The following HMCN1 variants were observed in gnomAD, a reference collection of about 807,000 sequenced individuals.
HMCN1 encodes hemicentin-1.
Under a neutral mutation model 625.9 loss-of-function variants are expected in HMCN1, and 321 were observed. The observed-to-expected ratio is 0.51, with a 90% CI of 0.47 to 0.56. The LOEUF (loss-of-function observed/expected upper bound fraction) is 0.56, where lower values mean the gene tolerates loss of function less well. Ranked by LOEUF, HMCN1 falls within the 20% of genes least tolerant of loss-of-function variation. The probability of loss-of-function intolerance (pLI) is 0.00; values close to 1 mark genes in which losing one functional copy is unlikely to be tolerated. For missense variants in HMCN1, 6,588 were observed against 6,887.3 expected (o/e 0.96, Z 1.54); for synonymous variants, 2,425 against 2,417.6 (o/e 1.00, Z -0.09).
At chr1:185,770,474 T>C (rs558745259) in intron 1 of HMCN1, among the ~76,000 whole-genome samples, 2 of 152,286 alleles carry the variant, frequency 1.3e-5, no homozygotes, top group African/African-American at 4.8e-5. Context: ...AATACAAAGA[T>C]GGCATATGGC....
At position 186,117,095 on chromosome 1, in the gene HMCN1, CT is replaced by C; in HGVS notation, c.11664del (p.Val3889TrpfsTer11). ...VTNGAGDDKR[T>X]VDLTVQVPPS... is the part of the protein sequence containing the mutation. Reference sequence around the variant, plus strand: ...AACGGTGCTGGAGATGATAAAAGAACTGTGGATCTCACTGTCCAAGGTAGAA... The same window carrying C: ...AACGGTGCTGGAGATGATAAAAGAACGTGGATCTCACTGTCCAAGGTAGAA... On this transcript the variant is annotated frameshift_variant, in exon 76 of 107. Transcript: ENST00000271588. LOFTEE classifies it high-confidence loss of function. 6.2e-7 allele frequency: 1 copy of C among 1,613,450 alleles called. No homozygotes were observed. The highest frequency in any genetic ancestry group is 1.1e-5 in the South Asian group (1 of 91,074).
intron 95 of HMCN1, 54 bp downstream of exon 95, chr1:186,151,797 AG>A (rs1650683486): frequency 1.3e-6 from 2 of 1,552,050 alleles, no homozygotes; most frequent in African/African-American, 1.4e-5. Context: ...CCATGAAGAT[AG>A]GTGATTAAGA....
intron 103 of HMCN1, among the ~76,000 whole-genome samples, chr1:186,178,116 C>T (rs77628409): frequency 0.012 from 1,847 of 152,218 alleles, 35 homozygotes; most frequent in African/African-American, 0.037. Context: ...GGGGTATGAA[C>T]TTACAGAACT....
At chr1:186,125,380 C>T (rs968651200) in intron 81 of HMCN1, among the ~76,000 whole-genome samples, 6 of 152,012 alleles carry the variant, frequency 3.9e-5, no homozygotes, top group Admixed American at 1.3e-4. Context: ...AGAAACCAAA[C>T]GTAAATATAT....
At chr1:185,834,576 T>C (rs775879330) in intron 1 of HMCN1, among the ~76,000 whole-genome samples, 3 of 152,222 alleles carry the variant, frequency 2.0e-5, no homozygotes, top group Non-Finnish European at 1.5e-5. Flanking sequence ...TATGCAAGAA[T>C]GCAAGACAGA....
intron 11 of HMCN1, among the ~76,000 whole-genome samples, chr1:185,935,471 C>G (rs1667765440): frequency 6.6e-6 from 1 of 152,044 alleles, no homozygotes; most frequent in Non-Finnish European, 1.5e-5. Context: ...ACCATATGAT[C>G]TAGAAATGTG....
chr1:185,826,258 T>C (rs1295516122), intron 1 of HMCN1, among the ~76,000 whole-genome samples: 1 of 152,228 alleles, frequency 6.6e-6, no homozygotes, highest in East Asian at 1.9e-4. Context: ...GAATGTCTGA[T>C]TTGAATGTGG....
rs567231397 is a variant in HMCN1 at position 186,090,690 on chromosome 1, A to G, written c.9728-68A>G. 144 of 1,551,734 alleles carry G rather than the reference A, an allele frequency of 9.3e-5. 1 individual carries two copies. The highest frequency in any genetic ancestry group is 6.8e-4 in the Middle Eastern group (4 of 5,924). On this transcript the variant is annotated intron_variant, in intron 63 of 106. Transcript: ENST00000271588. ...TGAACTAGAAATGTCATATTGTTTTATGACTCTGTTACATTAGAATTTATA... is the reference window on the plus strand; with the variant it reads ...TGAACTAGAAATGTCATATTGTTTTGTGACTCTGTTACATTAGAATTTATA...
intron 43 of HMCN1, 58 bp from the exon 44 acceptor site, chr1:186,053,767 T>A: frequency 3.2e-6 from 5 of 1,547,308 alleles, no homozygotes; most frequent in Non-Finnish European, 4.5e-6. Flanking sequence ...TACTTGGCAA[T>A]GTATACAAAA....
chr1:185,813,075 C>T (rs1659628309), intron 1 of HMCN1, among the ~76,000 whole-genome samples: 1 of 152,142 alleles, frequency 6.6e-6, no homozygotes, highest in African/African-American at 2.4e-5. Flanking sequence ...CTCAGCTGCA[C>T]TGTAAATTCC....
intron 55 of HMCN1, among the ~76,000 whole-genome samples, chr1:186,080,925 G>C (rs2102378973): frequency 1.3e-5 from 2 of 152,202 alleles, no homozygotes; most frequent in Middle Eastern, 6.8e-3. Flanking sequence ...AGAAGTAAAA[G>C]ATATATTGGA....
At chr1:186,110,558 G>T (rs184050563) in intron 71 of HMCN1, among the ~76,000 whole-genome samples, 1 of 152,306 alleles carries the variant, frequency 6.6e-6, no homozygotes, top group African/African-American at 2.4e-5. Flanking sequence ...AAAGTAGAAG[G>T]CAGGTTACAG....
Position 186,103,809 on chromosome 1 carries a change from A to G in HMCN1, c.10770+141A>G, listed in dbSNP as rs1021951869. 18 of 683,128 alleles carry G rather than the reference A, an allele frequency of 2.6e-5. No homozygotes were observed. In the African/African-American group the frequency reaches 3.3e-4, roughly 12 times the overall value. 42.3% of individuals were successfully genotyped at this position (683,128 alleles called of 1,614,324 possible). On this transcript the variant is annotated intron_variant, in intron 69 of 106. Coordinates refer to ENST00000271588, the MANE Select transcript of HMCN1 (RefSeq NM_031935.3). ...TGGAGCAGGATGGATTAGTCCTATG[A>G]TATGCATGATTGGGTAACTTGATTA... is the stretch of plus-strand genomic sequence containing the variant.
chr1:185,933,998 T>C (rs951080285), intron 11 of HMCN1, among the ~76,000 whole-genome samples, 174 bp downstream of exon 11: 44 of 152,188 alleles, frequency 2.9e-4, no homozygotes, highest in African/African-American at 1.1e-3. Flanking sequence ...AACTGGAAAC[T>C]AAAATGTCAC....
At chr1:185,993,895 C>G (rs900963611) in intron 23 of HMCN1, among the ~76,000 whole-genome samples, 2 of 152,062 alleles carry the variant, frequency 1.3e-5, no homozygotes, top group South Asian at 2.1e-4. Flanking sequence ...TAGGATTGAT[C>G]TGATTTCACT....
rs36021341 is a variant in HMCN1 at position 185,748,034 on chromosome 1, A to ATTT, written c.268+13011_268+13013dup. On this transcript the variant is annotated intron_variant, in intron 1 of 106. Transcript: ENST00000271588. ...ATAAATACAAGAAAGGGTACTTAAA[A>ATTT]TTTTTTTTTTTTTTTTTTTTTTTTT... is the stretch of plus-strand genomic sequence containing the variant. 2.5e-3 allele frequency among the ~76,000 whole-genome samples: 290 copies of ATTT among 118,138 alleles called. 1 individual carries two copies. The highest frequency in any genetic ancestry group is 9.1e-3 in the African/African-American group (276 of 30,194). 77.5% of individuals were successfully genotyped at this position (118,138 alleles called of 152,430 possible).
chr1:185,957,636 T>C (rs375737513), intron 11 of HMCN1, among the ~76,000 whole-genome samples: 1 of 152,182 alleles, frequency 6.6e-6, no homozygotes, highest in Non-Finnish European at 1.5e-5. Flanking sequence ...CATAATCACA[T>C]GTTGTGACAT....
At chr1:185,977,579 G>A (rs1026662216) in intron 15 of HMCN1, among the ~76,000 whole-genome samples, 2 of 151,972 alleles carry the variant, frequency 1.3e-5, no homozygotes, top group African/African-American at 2.4e-5. Flanking sequence ...GGAAATGGTT[G>A]GGCTTCTAAG....
chr1:185,752,656 A>G (rs1487395378), intron 1 of HMCN1, among the ~76,000 whole-genome samples: 1 of 152,054 alleles, frequency 6.6e-6, no homozygotes, highest in Non-Finnish European at 1.5e-5. Context: ...TTCTTTTCCC[A>G]TGTCCAAATT....
Sources: gnomAD v4.1 joint callset for allele counts (sites outside exome capture counted in the v4.1 genomes callset) on GRCh38, gnomAD v4.1.1 for gene constraint, MANE v1.5 for transcripts, NCBI Gene and HGNC (gene_info 2026-07-23, HGNC 2026-07-21) for gene names.